Variants in TBC1D12 observed in about 807,000 individuals in gnomAD.
The protein encoded by TBC1D12 is TBC1 domain family, member 12.
TBC1D12 carries 56 observed loss-of-function variants against 86.7 expected under a neutral mutation model. The observed-to-expected ratio is 0.65, with a 90% CI of 0.52 to 0.81. TBC1D12 has a LOEUF of 0.81. Among genes scored for constraint, TBC1D12 ranks in the 30% least tolerant of loss-of-function variants. The probability of loss-of-function intolerance (pLI) is 0.00; values close to 1 mark genes in which losing one functional copy is unlikely to be tolerated. For missense variants in TBC1D12, 1,023 were observed against 1,038.8 expected (o/e 0.98, Z 0.21); for synonymous variants, 421 against 411.7 (o/e 1.02, Z -0.27).
At chr10:94,404,510 G>A (rs2054823629) in intron 1 of TBC1D12, among the ~76,000 whole-genome samples, 1 of 151,776 alleles carries the variant, frequency 6.6e-6, no homozygotes, top group South Asian at 2.1e-4. Context: ...GCCAGGCGTG[G>A]TGGCAGGTGC....
At chr10:94,405,259 A>G (rs547940732) in intron 1 of TBC1D12, among the ~76,000 whole-genome samples, 19 of 152,310 alleles carry the variant, frequency 1.2e-4, no homozygotes, top group African/African-American at 4.1e-4. Flanking sequence ...TTCTTAGCTC[A>G]AGTTTTAGCA....
At chr10:94,490,279 T>C (rs2056229078) in intron 3 of TBC1D12, among the ~76,000 whole-genome samples, 1 of 151,900 alleles carries the variant, frequency 6.6e-6, no homozygotes, top group Non-Finnish European at 1.5e-5. Flanking sequence ...AAAGAAATAT[T>C]GCAAGAATTA....
chr10:94,456,617 T>A lies in TBC1D12; in HGVS notation c.1095+14598T>A, dbSNP rs371776570. Among the ~76,000 whole-genome samples the A allele has an allele frequency of 2.9e-4, 44 of 152,340 alleles. 2 individuals are homozygous for A. In the East Asian group the frequency reaches 5.4e-3, roughly 19 times the overall value. On this transcript the variant is annotated intron_variant, in intron 2 of 12. Transcript: ENST00000225235. ...AGTCTGTATTGGTGAATGTTCCATGTTAGCTTGAGAAGAATGTTTCCTCTG... is the reference window on the plus strand; with the variant it reads ...AGTCTGTATTGGTGAATGTTCCATGATAGCTTGAGAAGAATGTTTCCTCTG...
chr10:94,532,786 T>C (rs1036467320), intron 12 of TBC1D12, among the ~76,000 whole-genome samples: 1 of 152,172 alleles, frequency 6.6e-6, no homozygotes, highest in Non-Finnish European at 1.5e-5. Flanking sequence ...CACAGTCTTA[T>C]TGGTTCAGAA....
chr10:94,407,914 C>T lies in TBC1D12; in HGVS notation c.971+4330C>T, dbSNP rs190354950. Among the ~76,000 whole-genome samples the T allele has an allele frequency of 1.5e-3, 234 of 151,748 alleles. 1 individual carries two copies. The highest frequency in any genetic ancestry group is 2.7e-3 in the Non-Finnish European group (185 of 67,894). ...CCAAGAGTTCAAGGCTGCAGTGAGC[C>T]ATGATTGAGTCACTGCACTCTAGCC... On this transcript the variant is annotated intron_variant, in intron 1 of 12. Transcript: ENST00000225235.
intron 1 of TBC1D12, among the ~76,000 whole-genome samples, chr10:94,437,714 C>T (rs1473667339): frequency 6.6e-6 from 1 of 152,008 alleles, no homozygotes; most frequent in Non-Finnish European, 1.5e-5. Context: ...CCTTTTTCTT[C>T]ATTCTTTTTT....
intron 2 of TBC1D12, among the ~76,000 whole-genome samples, chr10:94,451,134 C>T (rs1219939869): frequency 6.6e-6 from 1 of 151,854 alleles, no homozygotes; most frequent in Non-Finnish European, 1.5e-5. Context: ...GTTGAATGAC[C>T]ATAGTTACCA....
chr10:94,418,186 G>A (rs2055026047), intron 1 of TBC1D12, among the ~76,000 whole-genome samples: 2 of 152,104 alleles, frequency 1.3e-5, no homozygotes, highest in African/African-American at 2.4e-5. Context: ...GCCCTGCCAC[G>A]CTTGAATTTG....
At chr10:94,418,277 C>T (rs968154968) in intron 1 of TBC1D12, among the ~76,000 whole-genome samples, 1 of 152,144 alleles carries the variant, frequency 6.6e-6, no homozygotes, top group African/African-American at 2.4e-5. Flanking sequence ...GCAAAACAGT[C>T]CATGTTTAAA....
chr10:94,405,959 C>T (rs528322184), intron 1 of TBC1D12, among the ~76,000 whole-genome samples: 4 of 151,926 alleles, frequency 2.6e-5, no homozygotes, highest in South Asian at 4.2e-4. Flanking sequence ...TACAGGCACC[C>T]GCCACCACGC....
At chr10:94,487,473 T>G (rs569600529) in intron 3 of TBC1D12, among the ~76,000 whole-genome samples, 2 of 151,906 alleles carry the variant, frequency 1.3e-5, no homozygotes, top group Non-Finnish European at 2.9e-5. Flanking sequence ...TATTTTGTGT[T>G]GTCATATTTT....
chr10:94,487,948 C>G (rs1392907259), intron 3 of TBC1D12, among the ~76,000 whole-genome samples: 5 of 151,990 alleles, frequency 3.3e-5, no homozygotes, highest in Non-Finnish European at 5.9e-5. Context: ...GCAATTCTGC[C>G]ATGGCCTCCC....
intron 9 of TBC1D12, among the ~76,000 whole-genome samples, chr10:94,513,004 T>C (rs2056544284): frequency 6.6e-6 from 1 of 151,810 alleles, no homozygotes; most frequent in South Asian, 2.1e-4. Context: ...ATCCCAGCAC[T>C]TTGGGAGGCC....
chr10:94,521,222 AAAAAAAAAAAAAAAAC>A (rs1417094590), intron 9 of TBC1D12, among the ~76,000 whole-genome samples: 4 of 112,878 alleles, frequency 3.5e-5, no homozygotes, highest in African/African-American at 1.6e-4. Context: ...AAAAGAAACC[AAAAAAAAAAAAAAAAC>A]AAAAAAAAAA....
chr10:94,482,414 C>T (rs1378536749), intron 3 of TBC1D12, among the ~76,000 whole-genome samples: 1 of 151,556 alleles, frequency 6.6e-6, no homozygotes, highest in Non-Finnish European at 1.5e-5. Context: ...TGACTATAGT[C>T]ACCCTGTTGT....
chr10:94,514,920 T>G (rs184894384), intron 9 of TBC1D12, among the ~76,000 whole-genome samples: 52 of 147,168 alleles, frequency 3.5e-4, no homozygotes, highest in Non-Finnish European at 6.6e-4. Flanking sequence ...TTTTTTTTTT[T>G]TTTTTGAGAC....
chr10:94,408,707 T>G (rs1303359962), intron 1 of TBC1D12, among the ~76,000 whole-genome samples: 1 of 152,018 alleles, frequency 6.6e-6, no homozygotes, highest in African/African-American at 2.4e-5. Flanking sequence ...TGTTCCATAG[T>G]GCCTCCACCA....
chr10:94,471,062 G>T (rs1177445540), intron 2 of TBC1D12, among the ~76,000 whole-genome samples: 2 of 152,058 alleles, frequency 1.3e-5, no homozygotes, highest in Admixed American at 6.5e-5. Context: ...GATCATCTGA[G>T]GTCAGGGGTT....
chr10:94,517,302 C>T (rs1842024013), intron 9 of TBC1D12, among the ~76,000 whole-genome samples: 1 of 152,110 alleles, frequency 6.6e-6, no homozygotes. Context: ...TGCTTGAATC[C>T]AGGAGGCAGA....
Sources: gnomAD v4.1 joint callset for allele counts (sites outside exome capture counted in the v4.1 genomes callset) on GRCh38, gnomAD v4.1.1 for gene constraint, MANE v1.5 for transcripts, NCBI Gene and HGNC (gene_info 2026-07-23, HGNC 2026-07-21) for gene names.